DCUN1D3: variants seen among roughly 807,000 people sequenced by gnomAD.
The protein encoded by DCUN1D3 is defective in cullin neddylation 1 domain containing 3, also known as DCN1-like protein 3.
A neutral mutation model predicts 24.8 loss-of-function variants in DCUN1D3; 6 were observed. The observed-to-expected ratio is 0.24, with a 90% CI of 0.13 to 0.48. DCUN1D3 has a LOEUF of 0.48. DCUN1D3 is among the 20% of genes least tolerant of loss of function. The pLI, the probability that DCUN1D3 is intolerant of heterozygous loss-of-function variation, is 0.99. For synonymous variants in DCUN1D3, 120 were observed against 144.9 expected, an observed-to-expected ratio of 0.83 and a Z score of 1.24; for missense variants, 258 against 379.4, an observed-to-expected ratio of 0.68 and a Z score of 2.66.
At chr16:20,896,753 A>G (rs1192970785) in intron 1 of DCUN1D3, among the ~76,000 whole-genome samples, 1 of 152,278 alleles carries the variant, frequency 6.6e-6, no homozygotes, top group Non-Finnish European at 1.5e-5. Context: ...GGCCAAAGCC[A>G]AATAATTAAA....
chr16:20,877,225 C>T (rs1363549093), intron 1 of DCUN1D3, among the ~76,000 whole-genome samples: 1 of 151,078 alleles, frequency 6.6e-6, no homozygotes, highest in East Asian at 1.9e-4. Flanking sequence ...TATTATTTAT[C>T]AATTAACAAA....
chr16:20,880,716 A>G (rs1030209104), intron 1 of DCUN1D3, among the ~76,000 whole-genome samples: 2 of 152,028 alleles, frequency 1.3e-5, no homozygotes. Context: ...AGCACCTACT[A>G]TGTCCCTAGT....
At chr16:20,866,176 G>A (rs1279675278) in intron 1 of DCUN1D3, among the ~76,000 whole-genome samples, 1 of 152,176 alleles carries the variant, frequency 6.6e-6, no homozygotes, top group Non-Finnish European at 1.5e-5. Flanking sequence ...GGAAGCAACT[G>A]TGCGAGCTGA....
intron 1 of DCUN1D3, among the ~76,000 whole-genome samples, chr16:20,885,495 T>C (rs1338153512): frequency 1.3e-5 from 2 of 151,766 alleles, no homozygotes; most frequent in African/African-American, 2.4e-5. Context: ...TAATAAAAGA[T>C]GACAGTGTAA....
chr16:20,861,450 A>C (rs2081732068), intron 2 of DCUN1D3, among the ~76,000 whole-genome samples: 1 of 152,006 alleles, frequency 6.6e-6, no homozygotes, highest in South Asian at 2.1e-4. Context: ...AAGTGGCTTC[A>C]TGGAGGGAGA....
intron 1 of DCUN1D3, among the ~76,000 whole-genome samples, chr16:20,897,623 A>G (rs908807670): frequency 2.0e-5 from 3 of 152,258 alleles, no homozygotes; most frequent in Non-Finnish European, 4.4e-5. Context: ...ACACTTGCCC[A>G]GTCCTTAAAT....
At chr16:20,869,730 T>A (rs988633117) in intron 1 of DCUN1D3, among the ~76,000 whole-genome samples, 1 of 152,110 alleles carries the variant, frequency 6.6e-6, no homozygotes, top group African/African-American at 2.4e-5. Context: ...TCACATGTAA[T>A]CCACGACTCT....
intron 1 of DCUN1D3, among the ~76,000 whole-genome samples, chr16:20,883,621 T>C (rs1046456060): frequency 2.0e-5 from 3 of 152,204 alleles, no homozygotes; most frequent in African/African-American, 7.2e-5. Context: ...GAACTTTCTG[T>C]TGAGTGAATC....
intron 1 of DCUN1D3, among the ~76,000 whole-genome samples, chr16:20,889,736 T>C (rs1355413659): frequency 6.6e-6 from 1 of 152,202 alleles, no homozygotes; most frequent in East Asian, 1.9e-4. Context: ...TGGAATTTTC[T>C]GTCTTTTATT....
intron 1 of DCUN1D3, among the ~76,000 whole-genome samples, chr16:20,867,406 T>C (rs1340203195): frequency 6.6e-6 from 1 of 152,156 alleles, no homozygotes; most frequent in Non-Finnish European, 1.5e-5. Context: ...GCAAGCACCA[T>C]GCACCCAGGC....
In DCUN1D3 at chr16:20,862,323, C is replaced by T. The variant is rs765696871; in HGVS notation, c.216G>A (p.Ser72=). 2.4e-5 allele frequency: 38 copies of T among 1,614,094 alleles called. No individual in the cohort carries two copies. The East Asian group carries it at 6.7e-4, about 28-fold the overall frequency. ...ACTTGGACTCCCTCCCAGCATCTCC[C>T]GAGGACGTTGGCAGCTGGCAGGCCT... The part of the protein sequence containing the change: ...ATEACQLPTS[S]GDAGRESKSN... The change falls in exon 2 of 3, where the codon TCG becomes TCA. Residue 72 remains serine (S), a synonymous_variant. Coordinates refer to ENST00000324344, the MANE Select transcript of DCUN1D3 (RefSeq NM_173475.4).
At chr16:20,875,536 C>T (rs141320684) in intron 1 of DCUN1D3, among the ~76,000 whole-genome samples, 14 of 152,246 alleles carry the variant, frequency 9.2e-5, no homozygotes, top group African/African-American at 1.2e-4. Flanking sequence ...CAGTTGAAAA[C>T]GGGAACTAAA....
In DCUN1D3 at chr16:20,862,568, C is replaced by A. The variant is rs545922979; in HGVS notation, c.-30G>T. ...CTGGTGGCCTGGCCTCTAGAGTGGA[C>A]CCCTCTGGATTGGATGCCCTCGCTG... On this transcript the variant is annotated 5_prime_UTR_variant, in exon 2 of 3. Coordinates refer to ENST00000324344, the MANE Select transcript of DCUN1D3 (RefSeq NM_173475.4). 4.4e-6 allele frequency: 7 copies of A among 1,581,856 alleles called. No homozygotes were observed. The highest frequency in any genetic ancestry group is 1.3e-5 in the African/African-American group (1 of 74,464).
At position 20,857,160 on chromosome 16, in the gene DCUN1D3, A is replaced by G. The variant is rs964751853; in HGVS notation, c.*2726T>C. 1.4e-4 allele frequency: 21 copies of G among 152,250 alleles called. No homozygotes were observed. Among genetic ancestry groups the G allele is most frequent in the African/African-American group, 4.3e-4 (18 of 41,464 alleles). 9.4% of individuals were successfully genotyped at this position (152,250 alleles called of 1,614,324 possible). On this transcript the variant is annotated 3_prime_UTR_variant, in exon 3 of 3. Transcript: ENST00000324344. ...TCTTGTGGTCATGAAAGAGTCAAGC[A>G]TTGGCCCAGAGCTACTGCAGAAGCT...
At chr16:20,876,080 C>A (rs1052010468) in intron 1 of DCUN1D3, among the ~76,000 whole-genome samples, 1 of 152,078 alleles carries the variant, frequency 6.6e-6, no homozygotes, top group Non-Finnish European at 1.5e-5. Context: ...GATTCTCTTG[C>A]CTTAGCCTCT....
Position 20,859,925 on chromosome 16 carries a change from G to A in DCUN1D3, c.876C>T (p.Ser292=), listed in dbSNP as rs575393513. 4.7e-4 allele frequency: 757 copies of A among 1,614,028 alleles called. 11 individuals carry two copies. The South Asian group carries it at 7.8e-3, about 17-fold the overall frequency. Residue 292 remains serine, a synonymous_variant, in exon 3 of 3, where the codon AGC becomes AGT. Coordinates refer to ENST00000324344, the MANE Select transcript of DCUN1D3 (RefSeq NM_173475.4). The part of the protein sequence containing the change: ...KREGEGRGAL[S]SGPEGLCPEE... ...CGGGACACAAGCCCTCAGGCCCTGA[G>A]CTGAGTGCACCTCTCCCTTCCCCTT...
rs61506075 is a variant in DCUN1D3 at position 20,859,540 on chromosome 16, CAAAAAAAAAA to C, written c.*336_*345del. 7.8e-4 allele frequency: 56 copies of C among 71,488 alleles called. No homozygotes were observed. Among genetic ancestry groups the C allele is most frequent in the Admixed American group, 1.9e-3 (9 of 4,712 alleles). The allele number at this position is 71,488 out of a possible 1,614,324, so 4.4% of individuals were successfully genotyped here. ...CGCCCTGCTCTATGCCCTCCCCTAC[CAAAAAAAAAA>C]AAAAAAAAACAAAAAAAAACAAAAA... On this transcript the variant is annotated 3_prime_UTR_variant, in exon 3 of 3. Coordinates refer to ENST00000324344, the MANE Select transcript of DCUN1D3 (RefSeq NM_173475.4).
chr16:20,879,263 C>T (rs1190771948), intron 1 of DCUN1D3, among the ~76,000 whole-genome samples: 4 of 152,052 alleles, frequency 2.6e-5, no homozygotes, highest in South Asian at 2.1e-4. Context: ...AAAATAGTAC[C>T]GGCTTGTTTA....
rs1228222275 is a variant in DCUN1D3, at chr16:20,859,560, CAA to C, written c.*324_*325del. ...CCTACCAAAAAAAAAAAAAAAAAAA[CAA>C]AAAAAAACAAAAAAAAAACCTAAAT... On this transcript the variant is annotated 3_prime_UTR_variant, in exon 3 of 3. Coordinates refer to ENST00000324344, the MANE Select transcript of DCUN1D3 (RefSeq NM_173475.4). The C allele has an allele frequency of 3.1e-4, 27 of 86,152 alleles. No individual in the cohort carries two copies. The highest frequency in any genetic ancestry group is 5.7e-4 in the Non-Finnish European group (25 of 43,946). The allele number at this position is 86,152 out of a possible 1,614,324, so 5.3% of individuals were successfully genotyped here.
Sources: allele counts gnomAD v4.1 joint callset (sites outside exome capture counted in the v4.1 genomes callset), GRCh38; gene constraint gnomAD v4.1.1; transcripts MANE v1.5; gene names NCBI Gene and HGNC (gene_info 2026-07-23, HGNC 2026-07-21).